Variants in CTTNBP2 observed in about 807,000 individuals in gnomAD.
CTTNBP2 encodes the protein cortactin binding protein 2.
In CTTNBP2, 108 loss-of-function variants were observed where a neutral mutation model predicts 156.9. The ratio of observed to expected loss-of-function variants is 0.69; its 90% confidence interval spans 0.59 to 0.81. CTTNBP2 has a LOEUF of 0.81. Ranked by LOEUF, CTTNBP2 falls within the 30% of genes least tolerant of loss-of-function variation. The probability of loss-of-function intolerance (pLI) is 0.00; values close to 1 mark genes in which losing one functional copy is unlikely to be tolerated. For missense variants in CTTNBP2, 1,924 were observed against 2,035.4 expected (o/e 0.95, Z 1.05); for synonymous variants, 767 against 751.8 (o/e 1.02, Z -0.33).
chr7:117,718,059 A>C lies in CTTNBP2; in HGVS notation c.4705T>G (p.Ser1569Ala). The C allele has an allele frequency of 6.2e-7, 1 of 1,613,324 alleles. No homozygotes were observed. Among genetic ancestry groups the C allele is most frequent in the Non-Finnish European group, 8.5e-7 (1 of 1,179,324 alleles). Reference sequence around the variant, plus strand: ...ATTCTCAGATTATTAATAGTTGCTGAAAGTACAGGGTTGTTTCCAGAACTA... The same window carrying C: ...ATTCTCAGATTATTAATAGTTGCTGCAAGTACAGGGTTGTTTCCAGAACTA... ...FDSSGNNPVL[S>A]ATINNLRMPV... Residue 1569 changes from serine (S) to alanine (A), a missense_variant, in exon 22 of 23, where the codon TCA becomes GCA. Ser to Ala is a moderately conservative substitution (Grantham distance 99). Transcript: ENST00000160373.
At chr7:117,737,635 G>A (rs906573231) in intron 14 of CTTNBP2, among the ~76,000 whole-genome samples, 11 of 152,202 alleles carry the variant, frequency 7.2e-5, no homozygotes, top group South Asian at 2.1e-4. Flanking sequence ...GTGCAGTGGC[G>A]TGATCTCGGC....
chr7:117,824,258 A>AGCTGG (rs1801149018), intron 2 of CTTNBP2, among the ~76,000 whole-genome samples: 2 of 151,742 alleles, frequency 1.3e-5, no homozygotes, highest in Non-Finnish European at 2.9e-5. Context: ...TCTTGGCATC[A>AGCTGG]GCTGGTATAT....
chr7:117,842,785 C>A (rs1467153628), intron 2 of CTTNBP2, among the ~76,000 whole-genome samples: 1 of 152,144 alleles, frequency 6.6e-6, no homozygotes, highest in Non-Finnish European at 1.5e-5. Context: ...AATCTAAACT[C>A]CTTGATATAA....
intron 3 of CTTNBP2, among the ~76,000 whole-genome samples, chr7:117,794,025 C>G (rs1298889048): frequency 6.6e-6 from 1 of 152,128 alleles, no homozygotes; most frequent in African/African-American, 2.4e-5. Context: ...CCAAGTATGA[C>G]TTTACTGAGG....
At chr7:117,834,580 C>T (rs993856514) in intron 2 of CTTNBP2, among the ~76,000 whole-genome samples, 1 of 152,076 alleles carries the variant, frequency 6.6e-6, no homozygotes, top group Non-Finnish European at 1.5e-5. Flanking sequence ...TTCTCAAGAA[C>T]GTCAGTTTAG....
intron 1 of CTTNBP2, among the ~76,000 whole-genome samples, chr7:117,866,841 T>A (rs975306518): frequency 2.0e-5 from 3 of 152,190 alleles, no homozygotes; most frequent in African/African-American, 7.2e-5. Context: ...TTTTGCCTCT[T>A]TGCTCAGAAG....
At chr7:117,817,333 CAAAAAAA>C (rs1165563266) in intron 2 of CTTNBP2, among the ~76,000 whole-genome samples, 2 of 27,210 alleles carry the variant, frequency 7.4e-5, no homozygotes, top group African/African-American at 1.8e-4. Flanking sequence ...GACTCCATCT[CAAAAAAA>C]AAAAAAAAAA....
At chr7:117,794,015 C>G (rs1444905403) in intron 3 of CTTNBP2, among the ~76,000 whole-genome samples, 1 of 152,186 alleles carries the variant, frequency 6.6e-6, no homozygotes, top group South Asian at 2.1e-4. Flanking sequence ...CCCCCTCACC[C>G]CAAGTATGAC....
At chr7:117,809,042 G>GTA (rs1179081139) in intron 3 of CTTNBP2, among the ~76,000 whole-genome samples, 1 of 152,114 alleles carries the variant, frequency 6.6e-6, no homozygotes, top group Non-Finnish European at 1.5e-5. Flanking sequence ...AAGGACTCCT[G>GTA]TATTCCCATT....
chr7:117,741,503 TCTGTCTTA>T (rs1796017533), intron 14 of CTTNBP2, among the ~76,000 whole-genome samples: 1 of 152,242 alleles, frequency 6.6e-6, no homozygotes, highest in Non-Finnish European at 1.5e-5. Flanking sequence ...TTAAAAAGTA[TCTGTCTTA>T]CTAACCCAAT....
At chr7:117,719,947 G>C (rs2116376214) in intron 20 of CTTNBP2, among the ~76,000 whole-genome samples, 1 of 152,230 alleles carries the variant, frequency 6.6e-6, no homozygotes. Context: ...TGTGGCATAG[G>C]GGACAATGTG....
At chr7:117,802,939 T>C (rs1478126824) in intron 3 of CTTNBP2, among the ~76,000 whole-genome samples, 2 of 152,168 alleles carry the variant, frequency 1.3e-5, no homozygotes, top group African/African-American at 4.8e-5. Flanking sequence ...TCGGTAGAAA[T>C]GTAAATTAGT....
intron 9 of CTTNBP2, among the ~76,000 whole-genome samples, chr7:117,764,370 A>G (rs1272227525): frequency 6.6e-6 from 1 of 152,174 alleles, no homozygotes; most frequent in Non-Finnish European, 1.5e-5. Flanking sequence ...ACTCCAAAGC[A>G]CATCCCCTTC....
chr7:117,739,988 A>C (rs1795908432), intron 14 of CTTNBP2, among the ~76,000 whole-genome samples: 1 of 152,118 alleles, frequency 6.6e-6, no homozygotes, highest in African/African-American at 2.4e-5. Flanking sequence ...TACTGTTTAC[A>C]GTCACTGTAA....
rs7796661 is a variant in CTTNBP2 at position 117,843,020 on chromosome 7, C to G, written c.189+18189G>C. Reference sequence around the variant, plus strand: ...GGCTGGGGATTCACACTCACAGATTCAACTGAGGATAGAAAATATTTGGGG... The same window carrying G: ...GGCTGGGGATTCACACTCACAGATTGAACTGAGGATAGAAAATATTTGGGG... On this transcript the variant is annotated intron_variant, in intron 2 of 22. Transcript: ENST00000160373. Among the ~76,000 whole-genome samples, 1,175 of 152,230 alleles carry G rather than the reference C, an allele frequency of 7.7e-3. 17 individuals are homozygous for G. The highest frequency in any genetic ancestry group is 0.027 in the African/African-American group (1,137 of 41,536).
At position 117,718,041 on chromosome 7, in the gene CTTNBP2, G is replaced by A. The variant is rs771479490; in HGVS notation, c.4723C>T (p.Leu1575=). 1.9e-6 allele frequency: 3 copies of A among 1,610,382 alleles called. No homozygotes were observed. Among genetic ancestry groups the A allele is most frequent in the Non-Finnish European group, 2.5e-6 (3 of 1,176,814 alleles). ...NPVLSATINN[L]RMPVSQKEVS... is the part of the protein sequence containing the mutation. Reference sequence around the variant, plus strand: ...ACCTTTTGTGACACTGGCATTCTCAGATTATTAATAGTTGCTGAAAGTACA... The same window carrying A: ...ACCTTTTGTGACACTGGCATTCTCAAATTATTAATAGTTGCTGAAAGTACA... The change falls in exon 22 of 23, where the codon CTG becomes TTG. Residue 1575 remains leucine, a synonymous_variant. Coordinates refer to ENST00000160373, the MANE Select transcript of CTTNBP2 (RefSeq NM_033427.3).
intron 12 of CTTNBP2, among the ~76,000 whole-genome samples, chr7:117,753,045 G>A (rs1280801884): frequency 6.6e-6 from 1 of 151,924 alleles, no homozygotes; most frequent in Non-Finnish European, 1.5e-5. Flanking sequence ...AGTCTACAAG[G>A]AATTTAAACA....
intron 2 of CTTNBP2, among the ~76,000 whole-genome samples, chr7:117,826,096 G>A (rs945160611): frequency 9.9e-5 from 15 of 152,178 alleles, no homozygotes; most frequent in African/African-American, 3.4e-4. Context: ...GAAAACCTCA[G>A]CACTCCCAAC....
At chr7:117,782,211 C>T (rs530308159) in intron 6 of CTTNBP2, among the ~76,000 whole-genome samples, 1 of 152,214 alleles carries the variant, frequency 6.6e-6, no homozygotes, top group Non-Finnish European at 1.5e-5. Flanking sequence ...GAGAAAGCAA[C>T]TTAGCTATTT....
Sources: allele counts gnomAD v4.1 joint callset (sites outside exome capture counted in the v4.1 genomes callset), GRCh38; gene constraint gnomAD v4.1.1; transcripts MANE v1.5; gene names NCBI Gene and HGNC (gene_info 2026-07-23, HGNC 2026-07-21).